SLC35F3: variants seen among roughly 807,000 people sequenced by gnomAD.
The protein encoded by SLC35F3 is solute carrier family 35 member F3, also known as putative thiamine transporter SLC35F3.
SLC35F3 carries 25 observed loss-of-function variants against 49.9 expected under a neutral mutation model. That is an observed-to-expected ratio of 0.50 (90% CI 0.37 to 0.70). SLC35F3 has a LOEUF of 0.70. SLC35F3 is among the 30% of genes least tolerant of loss of function. SLC35F3 has a pLI of 0.00. For synonymous variants in SLC35F3, 275 were observed against 265.4 expected, an observed-to-expected ratio of 1.04 and a Z score of -0.35; for missense variants, 525 against 639.8, an observed-to-expected ratio of 0.82 and a Z score of 1.94.
rs57014018 is a variant in SLC35F3, at chr1:234,224,052, TTTTG to T, written c.284-7341_284-7338del. Among the ~76,000 whole-genome samples, 41 of 150,400 alleles carry T rather than the reference TTTTG, an allele frequency of 2.7e-4. No homozygotes were observed. The East Asian group carries it at 3.5e-3, about 13-fold the overall frequency. On this transcript the variant is annotated intron_variant, in intron 2 of 7. Coordinates refer to ENST00000366618, the MANE Select transcript of SLC35F3 (RefSeq NM_173508.4). The stretch of plus-strand genomic sequence containing the variant: ...TGACCTCATTTAACCTTTTTCGGTT[TTTTG>T]TTTGTTTGTTTGTTTGTTTGTTTTT...
chr1:234,105,488 C>T (rs1376134966), intron 2 of SLC35F3, among the ~76,000 whole-genome samples: 3 of 152,122 alleles, frequency 2.0e-5, no homozygotes, highest in African/African-American at 4.8e-5. Context: ...TGCAGATATC[C>T]TATTCCTATC....
intron 2 of SLC35F3, among the ~76,000 whole-genome samples, chr1:234,188,997 A>AG: frequency 6.6e-6 from 1 of 152,234 alleles, no homozygotes; most frequent in East Asian, 1.9e-4. Flanking sequence ...CCCTAGGAAA[A>AG]GGGGGAGAGG....
At chr1:234,168,958 G>C (rs1666358097) in intron 2 of SLC35F3, among the ~76,000 whole-genome samples, 1 of 152,174 alleles carries the variant, frequency 6.6e-6, no homozygotes, top group Non-Finnish European at 1.5e-5. Context: ...AGAAAGCCAA[G>C]GATCTGTTGT....
chr1:233,995,179 A>G (rs1293018665), intron 2 of SLC35F3, among the ~76,000 whole-genome samples: 2 of 152,248 alleles, frequency 1.3e-5, no homozygotes, highest in Admixed American at 1.3e-4. Flanking sequence ...AAACTAGTCT[A>G]GAACTCAATA....
At chr1:233,976,547 C>A (rs1176922573) in intron 2 of SLC35F3, among the ~76,000 whole-genome samples, 1 of 152,118 alleles carries the variant, frequency 6.6e-6, no homozygotes, top group Non-Finnish European at 1.5e-5. Context: ...ATTGCTATGT[C>A]ATTTAAAAGT....
chr1:233,953,945 A>G (rs1662651243), intron 2 of SLC35F3, among the ~76,000 whole-genome samples: 1 of 152,154 alleles, frequency 6.6e-6, no homozygotes, highest in Non-Finnish European at 1.5e-5. Context: ...ATGATAGGTA[A>G]TAGGCCCATT....
At chr1:234,249,486 C>A (rs1277542555) in intron 3 of SLC35F3, among the ~76,000 whole-genome samples, 1 of 152,116 alleles carries the variant, frequency 6.6e-6, no homozygotes, top group Admixed American at 6.5e-5. Flanking sequence ...ATTTGGTGGG[C>A]ATGTCGGTGA....
intron 2 of SLC35F3, among the ~76,000 whole-genome samples, chr1:234,006,984 T>G (rs1455601263): frequency 1.3e-5 from 2 of 152,134 alleles, no homozygotes; most frequent in Non-Finnish European, 2.9e-5. Flanking sequence ...CTTTTCAGCT[T>G]TGTAGCCATT....
intron 2 of SLC35F3, among the ~76,000 whole-genome samples, chr1:234,130,699 A>G (rs760267583): frequency 1.3e-5 from 2 of 152,022 alleles, no homozygotes; most frequent in Admixed American, 6.6e-5. Context: ...GGTGGAGCAA[A>G]TGAAACTCTC....
intron 3 of SLC35F3, among the ~76,000 whole-genome samples, chr1:234,274,958 C>T (rs1668176424): frequency 6.6e-6 from 1 of 152,212 alleles, no homozygotes; most frequent in Non-Finnish European, 1.5e-5. Flanking sequence ...TGCCCTACTT[C>T]TTTCTTCATA....
At chr1:233,948,312 G>T (rs112824436) in intron 2 of SLC35F3, among the ~76,000 whole-genome samples, 5,776 of 151,202 alleles carry the variant, frequency 0.038, 328 homozygotes, top group African/African-American at 0.13. Flanking sequence ...CAAAAAAAGA[G>T]AAGTCTTAGT....
intron 2 of SLC35F3, among the ~76,000 whole-genome samples, chr1:233,963,981 C>T (rs1662852304): frequency 6.6e-6 from 1 of 152,214 alleles, no homozygotes; most frequent in African/African-American, 2.4e-5. Context: ...GGTTGAAAGA[C>T]TTATCATCAT....
intron 2 of SLC35F3, among the ~76,000 whole-genome samples, chr1:234,069,103 A>G (rs1664672668): frequency 7.6e-6 from 1 of 130,870 alleles, no homozygotes. Flanking sequence ...ATTATATTAT[A>G]ATATATTGTA....
At chr1:234,061,354 T>C (rs918900302) in intron 2 of SLC35F3, among the ~76,000 whole-genome samples, 1 of 152,192 alleles carries the variant, frequency 6.6e-6, no homozygotes. Context: ...CTCTTTTAAA[T>C]GATAAGCCAG....
At chr1:233,906,767 A>G (rs1337237398) in intron 2 of SLC35F3, among the ~76,000 whole-genome samples, 9 of 152,222 alleles carry the variant, frequency 5.9e-5, no homozygotes, top group Admixed American at 5.9e-4. Context: ...CTAAAAAAAA[A>G]TGTCTATCTT....
At chr1:233,952,038 T>C (rs1359996711) in intron 2 of SLC35F3, among the ~76,000 whole-genome samples, 1 of 152,186 alleles carries the variant, frequency 6.6e-6, no homozygotes, top group Non-Finnish European at 1.5e-5. Context: ...ATACTTTCTT[T>C]TCATTTTGCT....
chr1:234,283,726 A>T (rs1668366009), intron 3 of SLC35F3, among the ~76,000 whole-genome samples: 1 of 152,332 alleles, frequency 6.6e-6, no homozygotes, highest in East Asian at 1.9e-4. Flanking sequence ...CAGACACTAC[A>T]CAGGCACTCT....
At chr1:233,913,489 A>G (rs1424450522) in intron 2 of SLC35F3, among the ~76,000 whole-genome samples, 1 of 152,240 alleles carries the variant, frequency 6.6e-6, no homozygotes, top group Non-Finnish European at 1.5e-5. Flanking sequence ...TGTTGCAGAT[A>G]GAAAGCTCTC....
At chr1:233,933,405 G>A (rs924666579) in intron 2 of SLC35F3, among the ~76,000 whole-genome samples, 6 of 152,016 alleles carry the variant, frequency 3.9e-5, no homozygotes, top group Admixed American at 6.6e-5. Flanking sequence ...CTGGAGTGCA[G>A]TGGTGCAATT....
Sources: allele counts gnomAD v4.1 joint callset (sites outside exome capture counted in the v4.1 genomes callset), GRCh38; gene constraint gnomAD v4.1.1; transcripts MANE v1.5; gene names NCBI Gene and HGNC (gene_info 2026-07-23, HGNC 2026-07-21).